CTNND2: variants seen among roughly 807,000 people sequenced by gnomAD.
The protein encoded by CTNND2 is catenin delta-2.
A neutral mutation model predicts 144.4 loss-of-function variants in CTNND2; 22 were observed. The ratio of observed to expected loss-of-function variants is 0.15; its 90% confidence interval spans 0.11 to 0.22. The LOEUF (loss-of-function observed/expected upper bound fraction) is 0.22, where lower values mean the gene tolerates loss of function less well. CTNND2 is among the 10% of genes least tolerant of loss of function. The probability of loss-of-function intolerance (pLI) is 1.00; values close to 1 mark genes in which losing one functional copy is unlikely to be tolerated. For synonymous variants in CTNND2, 751 were observed against 695.6 expected, an observed-to-expected ratio of 1.08 and a Z score of -1.25; for missense variants, 1,353 against 1,618.8, an observed-to-expected ratio of 0.84 and a Z score of 2.82.
intron 2 of CTNND2, among the ~76,000 whole-genome samples, chr5:11,702,628 C>A (rs1354798163): frequency 6.6e-6 from 1 of 152,174 alleles, no homozygotes; most frequent in African/African-American, 2.4e-5. Flanking sequence ...AGCCACTCTC[C>A]AGCACAAGGA....
Position 11,903,869 on chromosome 5 carries a change from G to T in CTNND2, c.-16C>A. ...TCGCAAACATGCACCCTCCGCCGGC[G>T]ACAGCTCCTCAGTCCGGGAAGAGGC... On this transcript the variant is annotated 5_prime_UTR_variant, in exon 1 of 22. Coordinates refer to ENST00000304623, the MANE Select transcript of CTNND2 (RefSeq NM_001332.4). This position sits in a 1 kb window ranked among gnomAD's most constrained non-coding sequence, Gnocchi z 5.4. The T allele has an allele frequency of 2.0e-6, 3 of 1,472,560 alleles. No homozygotes were observed. Among genetic ancestry groups the T allele is most frequent in the Non-Finnish European group, 2.7e-6 (3 of 1,117,480 alleles). 91.2% of individuals were successfully genotyped at this position (1,472,560 alleles called of 1,614,324 possible).
chr5:11,412,758 T>C (rs1761642370), intron 3 of CTNND2, among the ~76,000 whole-genome samples: 1 of 152,190 alleles, frequency 6.6e-6, no homozygotes, highest in Non-Finnish European at 1.5e-5. Flanking sequence ...AATTCTTCCA[T>C]TGTGTATGCA....
At chr5:11,877,191 T>A (rs1365524441) in intron 1 of CTNND2, among the ~76,000 whole-genome samples, 1 of 152,160 alleles carries the variant, frequency 6.6e-6, no homozygotes, top group Non-Finnish European at 1.5e-5. Flanking sequence ...TTGAAATGTA[T>A]CGTTTTTAAA....
At chr5:11,013,104 G>C (rs1477399175) in intron 18 of CTNND2, among the ~76,000 whole-genome samples, 6 of 152,108 alleles carry the variant, frequency 3.9e-5, no homozygotes, top group African/African-American at 1.4e-4. Context: ...CATTCGAGAG[G>C]TGCCTCCTTA....
At chr5:11,248,314 A>G (rs1743212430) in intron 9 of CTNND2, among the ~76,000 whole-genome samples, 1 of 151,818 alleles carries the variant, frequency 6.6e-6, no homozygotes, top group South Asian at 2.1e-4. Flanking sequence ...GGCCTTGGTC[A>G]CCCTCAAAAT....
intron 1 of CTNND2, among the ~76,000 whole-genome samples, chr5:11,757,002 C>A (rs943340064): frequency 6.6e-6 from 1 of 151,592 alleles, no homozygotes; most frequent in Non-Finnish European, 1.5e-5. Flanking sequence ...TGAAAAATTA[C>A]ACAATATCTG....
chr5:11,148,680 C>T (rs1050655704), intron 12 of CTNND2, among the ~76,000 whole-genome samples: 15 of 152,326 alleles, frequency 9.8e-5, no homozygotes, highest in Admixed American at 3.9e-4. Context: ...CCTTCTGTCC[C>T]CGTGGGAGTG....
chr5:11,759,297 T>C (rs1311657313), intron 1 of CTNND2, among the ~76,000 whole-genome samples: 1 of 152,086 alleles, frequency 6.6e-6, no homozygotes, highest in Non-Finnish European at 1.5e-5. Flanking sequence ...GTTTTATGTT[T>C]AACTGTCTAT....
chr5:11,406,247 T>G (rs1311920686), intron 5 of CTNND2, among the ~76,000 whole-genome samples: 1 of 152,168 alleles, frequency 6.6e-6, no homozygotes, highest in Non-Finnish European at 1.5e-5. Flanking sequence ...CAGACACGCT[T>G]TCAGGATGTG....
rs188182053 is a variant in CTNND2, at chr5:11,333,339, T to C, written c.1628+13033A>G. Among the ~76,000 whole-genome samples the C allele has an allele frequency of 3.7e-4, 56 of 152,248 alleles. No individual in the cohort carries two copies. In the East Asian group the frequency reaches 6.9e-3, roughly 19 times the overall value. On this transcript the variant is annotated intron_variant, in intron 9 of 21. Coordinates refer to ENST00000304623, the MANE Select transcript of CTNND2 (RefSeq NM_001332.4). ...AGTGCAGTGGTGCAATCACAACTCA[T>C]TGCTGCCTCGACTTCCTGGGCTCAA...
chr5:11,066,380 G>T (rs1192933961), intron 16 of CTNND2, among the ~76,000 whole-genome samples: 1 of 152,088 alleles, frequency 6.6e-6, no homozygotes, highest in Non-Finnish European at 1.5e-5. Flanking sequence ...CCTTCCTATT[G>T]ATCCCAGGCC....
chr5:11,799,715 T>C (rs535096887), intron 1 of CTNND2, among the ~76,000 whole-genome samples: 1 of 152,308 alleles, frequency 6.6e-6, no homozygotes, highest in African/African-American at 2.4e-5. Flanking sequence ...GCTAGCAATA[T>C]TTTGAAACAT....
chr5:11,122,754 T>TGTTAGAGA (rs1191184367), intron 12 of CTNND2, among the ~76,000 whole-genome samples: 2 of 151,602 alleles, frequency 1.3e-5, no homozygotes, highest in African/African-American at 2.4e-5. Context: ...GTCTGGAGGG[T>TGTTAGAGA]GTTAGAGAAC....
chr5:11,887,574 C>T (rs1486175011), intron 1 of CTNND2, among the ~76,000 whole-genome samples: 1 of 151,466 alleles, frequency 6.6e-6, no homozygotes, highest in Non-Finnish European at 1.5e-5. Context: ...CTTTTAGGAC[C>T]TAATTTCTCC....
chr5:11,879,376 A>ATGT (rs1735856769), intron 1 of CTNND2, among the ~76,000 whole-genome samples: 4 of 80,540 alleles, frequency 5.0e-5, no homozygotes, highest in Non-Finnish European at 8.7e-5. Flanking sequence ...CACACACACA[A>ATGT]ACATATACAT....
chr5:11,345,307 T>C (rs1178505163), intron 9 of CTNND2, among the ~76,000 whole-genome samples: 1 of 152,226 alleles, frequency 6.6e-6, no homozygotes, highest in Non-Finnish European at 1.5e-5. Context: ...TTCTGGTAGA[T>C]AACAGTAAGC....
intron 3 of CTNND2, among the ~76,000 whole-genome samples, chr5:11,511,273 G>A (rs969979186): frequency 6.6e-6 from 1 of 152,132 alleles, no homozygotes; most frequent in African/African-American, 2.4e-5. Context: ...ATTCTATTTG[G>A]TTTCTATCTG....
rs1023213550 is a variant in CTNND2 at position 11,467,453 on chromosome 5, G to A, written c.288-55384C>T. ...ATTTTTGAGGGTCCTGGAGATGAAC[G>A]GTTATACTCCAAGTGCCTGTTGTTT... On this transcript the variant is annotated intron_variant, in intron 3 of 21. Coordinates refer to ENST00000304623, the MANE Select transcript of CTNND2 (RefSeq NM_001332.4). 8.5e-5 allele frequency among the ~76,000 whole-genome samples: 13 copies of A among 152,184 alleles called. 1 individual carries two copies. The highest frequency in any genetic ancestry group is 2.2e-4 in the African/African-American group (9 of 41,438).
At chr5:11,325,219 T>A (rs1561220631) in intron 9 of CTNND2, among the ~76,000 whole-genome samples, 1 of 152,120 alleles carries the variant, frequency 6.6e-6, no homozygotes, top group Non-Finnish European at 1.5e-5. Flanking sequence ...TTCCATGGTT[T>A]TTCCCTTTAA....
Sources: gnomAD v4.1 joint callset for allele counts (sites outside exome capture counted in the v4.1 genomes callset) on GRCh38, gnomAD v4.1.1 for gene constraint, Gnocchi (gnomAD v3.1) non-coding constraint, MANE v1.5 for transcripts, NCBI Gene and HGNC (gene_info 2026-07-23, HGNC 2026-07-21) for gene names.